PTPRD: variants seen among roughly 807,000 people sequenced by gnomAD.
PTPRD encodes protein tyrosine phosphatase receptor type D, also known as receptor-type tyrosine-protein phosphatase delta.
PTPRD carries 34 observed loss-of-function variants against 214.5 expected under a neutral mutation model. The observed-to-expected ratio is 0.16, with a 90% CI of 0.12 to 0.21. The LOEUF (loss-of-function observed/expected upper bound fraction) is 0.21, where lower values mean the gene tolerates loss of function less well. PTPRD is among the 10% of genes least tolerant of loss of function. The pLI, the probability that PTPRD is intolerant of heterozygous loss-of-function variation, is 1.00. For missense variants in PTPRD, 2,545 were observed against 2,398.7 expected (o/e 1.06, Z -1.27); for synonymous variants, 1,128 against 845.7 (o/e 1.33, Z -5.79).
chr9:9,601,151 AT>A (rs1563977436), intron 7 of PTPRD, among the ~76,000 whole-genome samples: 3,193 of 68,378 alleles, frequency 0.047, 166 homozygotes, highest in African/African-American at 0.18. Flanking sequence ...GTGTGTGTGT[AT>A]GGGGGGGGGA....
Position 8,680,869 on chromosome 9 carries a change from C to T in PTPRD, c.65-44025G>A, listed in dbSNP as rs115740780. The stretch of plus-strand genomic sequence containing the variant: ...CAGGCTTACAAATCCAACATGTAGT[C>T]GAATGATTGGCCTCACGGGACTGAT... On this transcript the variant is annotated intron_variant, in intron 12 of 45. Transcript: ENST00000381196. 7.4e-3 allele frequency among the ~76,000 whole-genome samples: 1,121 copies of T among 152,178 alleles called. 8 individuals carry two copies. Among genetic ancestry groups the T allele is most frequent in the African/African-American group, 0.025 (1,047 of 41,514 alleles).
At chr9:10,321,482 A>G (rs983850458) in intron 3 of PTPRD, among the ~76,000 whole-genome samples, 3 of 152,076 alleles carry the variant, frequency 2.0e-5, no homozygotes, top group African/African-American at 7.2e-5. Context: ...GGTTTGGAAG[A>G]TAAGATAAAC....
At chr9:9,520,657 T>C (rs142303537) in intron 8 of PTPRD, among the ~76,000 whole-genome samples, 11 of 152,326 alleles carry the variant, frequency 7.2e-5, no homozygotes, top group Non-Finnish European at 1.2e-4. Context: ...TTTTCCATTT[T>C]TGGCATGGTC....
At chr9:9,581,485 G>T (rs772993994) in intron 7 of PTPRD, among the ~76,000 whole-genome samples, 5 of 152,168 alleles carry the variant, frequency 3.3e-5, no homozygotes, top group Non-Finnish European at 5.9e-5. Context: ...TATCATCTCA[G>T]AAACACAATT....
At chr9:9,915,532 A>G (rs759770355) in intron 5 of PTPRD, among the ~76,000 whole-genome samples, 4 of 151,920 alleles carry the variant, frequency 2.6e-5, no homozygotes, top group African/African-American at 9.7e-5. Context: ...AAAGAGATAG[A>G]TATCATTAAA....
chr9:9,325,356 T>C (rs200144054), intron 9 of PTPRD, among the ~76,000 whole-genome samples: 2,590 of 152,122 alleles, frequency 0.017, 72 homozygotes, highest in African/African-American at 0.06. Flanking sequence ...TTTGTATCCT[T>C]TTTTATTTCA....
intron 9 of PTPRD, among the ~76,000 whole-genome samples, chr9:9,229,062 G>C (rs1250664420): frequency 6.6e-6 from 1 of 152,052 alleles, no homozygotes; most frequent in Non-Finnish European, 1.5e-5. Context: ...GAAGTGAAAA[G>C]TTTGTATGTG....
chr9:8,785,918 A>G (rs1351258613), intron 11 of PTPRD, among the ~76,000 whole-genome samples: 1 of 152,222 alleles, frequency 6.6e-6, no homozygotes, highest in Non-Finnish European at 1.5e-5. Context: ...AGGAAACAAA[A>G]GCAAAATCTT....
chr9:10,122,597 A>G (rs1306720928), intron 3 of PTPRD, among the ~76,000 whole-genome samples: 2 of 152,202 alleles, frequency 1.3e-5, no homozygotes, highest in Non-Finnish European at 2.9e-5. Context: ...TAAGTATATC[A>G]ATAAAAACTT....
intron 10 of PTPRD, among the ~76,000 whole-genome samples, chr9:9,112,299 T>A (rs963536162): frequency 1.3e-5 from 2 of 152,142 alleles, no homozygotes; most frequent in African/African-American, 4.8e-5. Context: ...CAGGGATGTC[T>A]CTGGATGACT....
intron 3 of PTPRD, among the ~76,000 whole-genome samples, chr9:10,229,948 A>C (rs571245679): frequency 1.8e-4 from 28 of 152,196 alleles, no homozygotes; most frequent in Middle Eastern, 3.4e-3. Context: ...AACAATTATT[A>C]CATGTATAAT....
At chr9:9,083,774 T>A (rs1451784685) in intron 10 of PTPRD, among the ~76,000 whole-genome samples, 2 of 152,170 alleles carry the variant, frequency 1.3e-5, no homozygotes, top group Non-Finnish European at 2.9e-5. Flanking sequence ...AAAGAAGACA[T>A]TTATGCAGCC....
intron 9 of PTPRD, among the ~76,000 whole-genome samples, chr9:9,263,227 T>G (rs1488223443): frequency 1.3e-5 from 2 of 151,712 alleles, no homozygotes; most frequent in African/African-American, 2.4e-5. Flanking sequence ...CTTTTTATTA[T>G]GTACTTTAAT....
chr9:9,471,845 T>G (rs1192818299), intron 8 of PTPRD, among the ~76,000 whole-genome samples: 1 of 152,166 alleles, frequency 6.6e-6, no homozygotes, highest in East Asian at 1.9e-4. Context: ...ACTTCTATTT[T>G]TATACATTTA....
intron 11 of PTPRD, among the ~76,000 whole-genome samples, chr9:8,855,738 C>A (rs1007035249): frequency 6.6e-6 from 1 of 152,134 alleles, no homozygotes; most frequent in Non-Finnish European, 1.5e-5. Flanking sequence ...CATTGGAGTC[C>A]ATCTATTTTT....
chr9:9,368,173 G>A (rs2058409954), intron 9 of PTPRD, among the ~76,000 whole-genome samples: 1 of 151,740 alleles, frequency 6.6e-6, no homozygotes, highest in African/African-American at 2.4e-5. Flanking sequence ...CGTTAGACCT[G>A]CATTTATATC....
chr9:9,117,212 G>C (rs2099813196), intron 10 of PTPRD, among the ~76,000 whole-genome samples: 1 of 150,226 alleles, frequency 6.7e-6, no homozygotes, highest in East Asian at 2.0e-4. Flanking sequence ...GAGAGCTCAG[G>C]AAATTAAGTT....
At position 8,404,561 on chromosome 9, in the gene PTPRD, G is replaced by C. The variant is rs754058497; in HGVS notation, c.4186C>G (p.Arg1396Gly). 1.2e-6 allele frequency: 2 copies of C among 1,612,718 alleles called. No homozygotes were observed. Among genetic ancestry groups the C allele is most frequent in the Admixed American group, 1.7e-5 (1 of 59,978 alleles). Residue 1396 changes from arginine to glycine, a missense_variant, in exon 36 of 46, where the codon CGG becomes GGG. By Grantham distance (125) the Arg-to-Gly change is moderately radical (BLOSUM62 -2). Transcript: ENST00000381196. ...CCTTCTATAGCTGATAGGAGAACCC[G>C]GGAATGATCATATGCGATTACATTC... ...YANVIAYDHS[R>G]VLLSAIEGIP...
intron 35 of PTPRD, among the ~76,000 whole-genome samples, chr9:8,412,855 A>G (rs1249240951): frequency 1.3e-5 from 2 of 152,222 alleles, no homozygotes; most frequent in Non-Finnish European, 2.9e-5. Context: ...ACAACAAAAA[A>G]GAGCACAGCT....
Sources: gnomAD v4.1 joint callset for allele counts (sites outside exome capture counted in the v4.1 genomes callset) on GRCh38, gnomAD v4.1.1 for gene constraint, MANE v1.5 for transcripts, NCBI Gene and HGNC (gene_info 2026-07-23, HGNC 2026-07-21) for gene names.